LRP5: variants seen among roughly 807,000 people sequenced by gnomAD.
The protein encoded by LRP5 is LDL receptor related protein 5, also known as low-density lipoprotein receptor-related protein 5.
LRP5 carries 62 observed loss-of-function variants against 154.1 expected under a neutral mutation model. The ratio of observed to expected loss-of-function variants is 0.40; its 90% CI spans 0.33 to 0.50. The LOEUF is 0.50. Among genes scored for constraint, LRP5 ranks in the 20% least tolerant of loss-of-function variants. The pLI is 0.55. For synonymous variants in LRP5, 966 were observed against 1,011.5 expected (o/e 0.96, Z 0.85); for missense variants, 1,915 against 2,336.7 (o/e 0.82, Z 3.72).
intron 21 of LRP5, among the ~76,000 whole-genome samples, chr11:68,442,738 G>A (rs576156058): frequency 3.5e-4 from 53 of 152,324 alleles, no homozygotes; most frequent in African/African-American, 1.1e-3. Context: ...ACCCATCTCC[G>A]GGAGGAGGTG....
chr11:68,352,606 T>C (rs1468350676), intron 2 of LRP5, among the ~76,000 whole-genome samples: 13 of 145,096 alleles, frequency 9.0e-5, no homozygotes, highest in South Asian at 6.7e-4. Flanking sequence ...AGGTGCTAGG[T>C]GCTCGGTTGG....
chr11:68,343,796 T>G (rs1472212236), intron 1 of LRP5, among the ~76,000 whole-genome samples: 1 of 152,094 alleles, frequency 6.6e-6, no homozygotes, highest in Non-Finnish European at 1.5e-5. Context: ...ATCCTGGGCG[T>G]GATTCCTGTG....
chr11:68,349,643 G>A (rs1254780093), intron 2 of LRP5, among the ~76,000 whole-genome samples: 1 of 152,184 alleles, frequency 6.6e-6, no homozygotes, highest in Non-Finnish European at 1.5e-5. Flanking sequence ...GGGCCTGGCC[G>A]TGATCCCAGG....
Position 68,413,805 on chromosome 11 carries a change from A to C in LRP5, c.2620A>C (p.Thr874Pro). Reference protein sequence around the residue: ...NLHSIERADKTSGRNRTLIQG... With the variant: ...NLHSIERADKPSGRNRTLIQG... ...GCACAGCATTGAGCGGGCCGACAAG[A>C]CTAGCGGCCGGAACCGCACCCTCAT... Residue 874 changes from threonine to proline, a missense_variant, in exon 12 of 23, where the codon ACT becomes CCT. Coordinates refer to ENST00000294304, the MANE Select transcript of LRP5 (RefSeq NM_002335.4). The surrounding 1 kb of genome is among the most constrained non-coding windows in gnomAD (Gnocchi z 5.1). The C allele has an allele frequency of 1.2e-6, 2 of 1,613,616 alleles. No homozygotes were observed. The highest frequency in any genetic ancestry group is 2.2e-5 in the South Asian group (2 of 91,076).
chr11:68,381,366 G>A (rs749882274), intron 5 of LRP5, among the ~76,000 whole-genome samples: 78 of 152,266 alleles, frequency 5.1e-4, no homozygotes, highest in Non-Finnish European at 9.7e-4. Flanking sequence ...CCATGTGGTC[G>A]GGGACAGAGG....
intron 12 of LRP5, among the ~76,000 whole-genome samples, chr11:68,414,279 CA>C (rs1219635657): frequency 6.6e-6 from 1 of 152,192 alleles, no homozygotes; most frequent in African/African-American, 2.4e-5. Context: ...AAACCAGTCA[CA>C]GGGGAAGGGT....
chr11:68,302,477 C>A, the LRP5 span, among the ~76,000 whole-genome samples: 27 of 152,168 alleles, frequency 1.8e-4, no homozygotes, highest in African/African-American at 2.4e-5. Flanking sequence ...CTCCACCAGC[C>A]CCAGAGTGAC....
rs1401624920 is a variant in LRP5 at position 68,386,862 on chromosome 11, C to T, written c.1412+150C>T. ...AAACACCGGCAGCTGGGCCCCACCC[C>T]CAGAGCGGTGATTCAGGAGCTCCAG... is the stretch of plus-strand genomic sequence containing the variant. On this transcript the variant is annotated intron_variant, in intron 6 of 22. Transcript: ENST00000294304. This position sits in a 1 kb window ranked among gnomAD's most constrained non-coding sequence, Gnocchi z 7.9. 1 of 959,414 alleles carries T rather than the reference C, an allele frequency of 1.0e-6. No homozygotes were observed. 59.4% of individuals were successfully genotyped at this position (959,414 alleles called of 1,614,324 possible).
chr11:68,426,018 G>A lies in LRP5; in HGVS notation c.3468G>A (p.Gln1156=), dbSNP rs724159825. ...RLTLEDANIV[Q]PLGLTILGKH... ...CCCTGGAGGACGCCAACATCGTGCA[G>A]CCTCTGGGCCTGACCATCCTTGGCA... The change falls in exon 16 of 23, where the codon CAG becomes CAA. Residue 1156 remains glutamine, a synonymous_variant. Coordinates refer to ENST00000294304, the MANE Select transcript of LRP5 (RefSeq NM_002335.4). 2.0e-5 allele frequency: 32 copies of A among 1,613,052 alleles called. No individual in the cohort carries two copies. The East Asian group carries it at 6.9e-4, about 35-fold the overall frequency.
Position 68,386,260 on chromosome 11 carries a change from G to C in LRP5, c.1016-56G>C. The C allele has an allele frequency of 6.2e-7, 1 of 1,602,164 alleles. No individual in the cohort carries two copies. The highest frequency in any genetic ancestry group is 8.5e-7 in the Non-Finnish European group (1 of 1,178,468). ...CCTTGCCCGGCCCACCCCAGGCCTAGACTTGTGCCTGCTGCAGGCCCTTGA... is the reference window on the plus strand; with the variant it reads ...CCTTGCCCGGCCCACCCCAGGCCTACACTTGTGCCTGCTGCAGGCCCTTGA... On this transcript the variant is annotated intron_variant, in intron 5 of 22. Transcript: ENST00000294304. The surrounding 1 kb of genome is among the most constrained non-coding windows in gnomAD (Gnocchi z 7.9).
intron 1 of LRP5, among the ~76,000 whole-genome samples, chr11:68,314,133 T>C (rs2098591123): frequency 6.6e-6 from 1 of 152,124 alleles, no homozygotes; most frequent in African/African-American, 2.4e-5. Context: ...GCGCCGCTCC[T>C]TTTTCCGGAA....
At chr11:68,395,696 T>C (rs1466757173) in intron 7 of LRP5, among the ~76,000 whole-genome samples, 1 of 152,208 alleles carries the variant, frequency 6.6e-6, no homozygotes, top group East Asian at 1.9e-4. Context: ...TGCAGGTGGA[T>C]GCCCAGACCC....
intron 7 of LRP5, among the ~76,000 whole-genome samples, chr11:68,391,469 C>T (rs1384691972): frequency 1.3e-5 from 2 of 152,244 alleles, no homozygotes; most frequent in African/African-American, 2.4e-5. Context: ...CTTTGCTCTC[C>T]TCAGGGCTCC....
chr11:68,409,054 A>G lies in LRP5; in HGVS notation c.2092-860A>G, dbSNP rs1327211276. Among the ~76,000 whole-genome samples the G allele has an allele frequency of 1.9e-3, 13 of 6,980 alleles. 1 individual carries two copies. Among genetic ancestry groups the G allele is most frequent in the East Asian group, 0.02 (2 of 98 alleles). 4.6% of individuals were successfully genotyped at this position (6,980 alleles called of 152,430 possible). On this transcript the variant is annotated intron_variant, in intron 9 of 22. Coordinates refer to ENST00000294304, the MANE Select transcript of LRP5 (RefSeq NM_002335.4). ...GACAGAGCAAGACTTATCTGGGGAA[A>G]AAAAAAAAAAAAAAAAAAAATATAT... is the stretch of plus-strand genomic sequence containing the variant.
chr11:68,421,428 T>G (rs1025057219), intron 13 of LRP5, among the ~76,000 whole-genome samples: 1 of 152,108 alleles, frequency 6.6e-6, no homozygotes, highest in African/African-American at 2.4e-5. Flanking sequence ...TGCATCTGGT[T>G]CCCACAGACC....
chr11:68,409,099 C>T (rs796700449), intron 9 of LRP5, among the ~76,000 whole-genome samples: 65,496 of 91,552 alleles, frequency 0.72, 24,024 homozygotes, highest in South Asian at 0.83. Flanking sequence ...TATATATACA[C>T]ACACATACAC....
chr11:68,434,669 C>T (rs758028725), intron 18 of LRP5, among the ~76,000 whole-genome samples: 14 of 152,168 alleles, frequency 9.2e-5, no homozygotes, highest in Non-Finnish European at 2.1e-4. Context: ...CATGAGCCAC[C>T]GCGCCCGGCC....
In LRP5 at chr11:68,449,184, C is replaced by A; in HGVS notation, c.*114C>A. 172 of 514,536 alleles carry A rather than the reference C, an allele frequency of 3.3e-4. No homozygotes were observed. Among genetic ancestry groups the A allele is most frequent in the Middle Eastern group, 6.8e-4 (1 of 1,466 alleles). The allele number at this position is 514,536 out of a possible 1,614,324, so 31.9% of individuals were successfully genotyped here. On this transcript the variant is annotated 3_prime_UTR_variant, in exon 23 of 23. Transcript: ENST00000294304. ...ATAAATATAATTGGGATTTTAAAAA[C>A]ATGAGAAATGTGAACTGTGATGGGG... is the stretch of plus-strand genomic sequence containing the variant.
rs753317134 is a variant in LRP5, at chr11:68,406,542, A to G, written c.1820A>G (p.Asp607Gly). The change falls in exon 9 of 23, where the codon GAC (aspartate) becomes GGC (glycine). Residue 607 changes from aspartate (D) to glycine (G), a missense_variant. This residue lies in a region of LRP5 where 773 missense variants were observed against 1,100.9 expected (regional missense o/e 0.70). Transcript: ENST00000294304. ...AKVVGTNPCA[D>G]RNGGCSHLCF... ...CTTCCAGGAACCAACCCGTGTGCGG[A>G]CAGGAACGGGGGGTGCAGCCACCTG... is the stretch of plus-strand genomic sequence containing the variant. 1 of 1,614,080 alleles carries G rather than the reference A, an allele frequency of 6.2e-7. No individual in the cohort carries two copies. Among genetic ancestry groups the G allele is most frequent in the Non-Finnish European group, 8.5e-7 (1 of 1,180,004 alleles).
Sources: gnomAD v4.1 joint callset for allele counts (sites outside exome capture counted in the v4.1 genomes callset) on GRCh38, gnomAD v4.1.1 for gene constraint, gnomAD v4.1.1 regional missense constraint, Gnocchi (gnomAD v3.1) non-coding constraint, MANE v1.5 for transcripts, NCBI Gene and HGNC (gene_info 2026-07-23, HGNC 2026-07-21) for gene names.